The following STAMBPL1 variants were observed in gnomAD, a reference collection of about 807,000 sequenced individuals.
STAMBPL1 encodes the protein STAM binding protein like 1.
STAMBPL1 carries 44 observed loss-of-function variants against 52.9 expected under a neutral mutation model. That is an observed-to-expected ratio of 0.83 (90% CI 0.65 to 1.07). STAMBPL1 has a LOEUF of 1.07. Among genes scored for constraint, STAMBPL1 ranks in the 50% least tolerant of loss-of-function variants. The pLI is 0.00. For synonymous variants in STAMBPL1, 164 were observed against 177.3 expected (o/e 0.92, Z 0.60); for missense variants, 511 against 520.8 (o/e 0.98, Z 0.18).
chr10:88,882,288 C>T (rs1844425577), intron 1 of STAMBPL1, among the ~76,000 whole-genome samples: 1 of 152,166 alleles, frequency 6.6e-6, no homozygotes, highest in Non-Finnish European at 1.5e-5. Flanking sequence ...GAACCAGTTT[C>T]CTGAGGATGT....
chr10:88,922,789 A>G (rs746894588), intron 10 of STAMBPL1, among the ~76,000 whole-genome samples: 7 of 152,120 alleles, frequency 4.6e-5, no homozygotes, highest in Non-Finnish European at 5.9e-5. Flanking sequence ...TCTGCTTGAT[A>G]TGGCCAAATT....
intron 2 of STAMBPL1, among the ~76,000 whole-genome samples, chr10:88,903,594 T>C (rs1327556492): frequency 6.6e-6 from 1 of 152,254 alleles, no homozygotes; most frequent in African/African-American, 2.4e-5. Flanking sequence ...CTGATTTTCA[T>C]AGATTTTTTT....
Position 88,923,399 on chromosome 10 carries a change from C to G in STAMBPL1, c.*175C>G, listed in dbSNP as rs188575421. The stretch of plus-strand genomic sequence containing the variant: ...TTTAAAGTTTTCTTTTTGGGTTGCT[C>G]TGTGTCAAGAGAGGTTACATGGTGT... On this transcript the variant is annotated 3_prime_UTR_variant, in exon 11 of 11. Coordinates refer to ENST00000371926, the MANE Select transcript of STAMBPL1 (RefSeq NM_020799.4). 3.7e-6 allele frequency: 5 copies of G among 1,365,150 alleles called. No homozygotes were observed. The highest frequency in any genetic ancestry group is 1.9e-5 in the South Asian group (1 of 53,478). The allele number at this position is 1,365,150 out of a possible 1,614,324, so 84.6% of individuals were successfully genotyped here. A position where few individuals can be genotyped will look rare whatever the true frequency, so the allele number is the denominator to read the frequency against.
intron 8 of STAMBPL1, among the ~76,000 whole-genome samples, chr10:88,919,914 C>T (rs965587011): frequency 7.2e-5 from 11 of 151,974 alleles, no homozygotes; most frequent in African/African-American, 2.7e-4. Context: ...CAGCTCACTG[C>T]AGCCTCAACC....
chr10:88,886,442 A>ATTCTT lies in STAMBPL1; in HGVS notation c.-54+5807_-54+5811dup, dbSNP rs1589347645. On this transcript the variant is annotated intron_variant, in intron 1 of 10. Transcript: ENST00000371926. ...TATTATATTATTTGGCAAAAGTTCA[A>ATTCTT]TTCTTTTTAAAGAAACATTTTAAAT... Among the ~76,000 whole-genome samples the ATTCTT allele has an allele frequency of 3.3e-5, 5 of 152,334 alleles. No homozygotes were observed. In the East Asian group the frequency reaches 9.6e-4, roughly 29 times the overall value.
chr10:88,903,119 A>G (rs1432071165), intron 2 of STAMBPL1, among the ~76,000 whole-genome samples: 1 of 152,208 alleles, frequency 6.6e-6, no homozygotes, highest in African/African-American at 2.4e-5. Flanking sequence ...TCACTGTAAA[A>G]ATGAACACAA....
At chr10:88,913,934 CG>C (rs2133200105) in intron 6 of STAMBPL1, among the ~76,000 whole-genome samples, 1 of 152,220 alleles carries the variant, frequency 6.6e-6, no homozygotes, top group South Asian at 2.1e-4. Context: ...CCAAATGGAC[CG>C]TGTGTTTCCG....
chr10:88,907,018 C>A (rs1379006769), intron 3 of STAMBPL1, among the ~76,000 whole-genome samples: 2 of 151,868 alleles, frequency 1.3e-5, no homozygotes, highest in Non-Finnish European at 2.9e-5. Flanking sequence ...AACATCTCAC[C>A]CCCATCCTCA....
At chr10:88,883,080 A>G (rs564839326) in intron 1 of STAMBPL1, among the ~76,000 whole-genome samples, 5 of 136,196 alleles carry the variant, frequency 3.7e-5, no homozygotes, top group Admixed American at 1.7e-4. Flanking sequence ...TTATTGTTCA[A>G]TTCCCACCTA....
intron 1 of STAMBPL1, among the ~76,000 whole-genome samples, chr10:88,896,692 G>T (rs1844818445): frequency 6.6e-6 from 1 of 152,104 alleles, no homozygotes; most frequent in South Asian, 2.1e-4. Flanking sequence ...GGCACATTTG[G>T]GTGATGGTCT....
At chr10:88,895,374 G>C (rs1844786992) in intron 1 of STAMBPL1, among the ~76,000 whole-genome samples, 1 of 152,196 alleles carries the variant, frequency 6.6e-6, no homozygotes, top group Non-Finnish European at 1.5e-5. Context: ...TATCTCTAGT[G>C]GGACTGGGCC....
chr10:88,922,739 TATC>T (rs1381646257), intron 10 of STAMBPL1, among the ~76,000 whole-genome samples: 1 of 152,210 alleles, frequency 6.6e-6, no homozygotes, highest in African/African-American at 2.4e-5. Flanking sequence ...AGTAAACAAT[TATC>T]ATAGAAAATG....
intron 7 of STAMBPL1, 131 bp from the exon 8 acceptor site, chr10:88,916,549 G>A (rs561866250): frequency 4.8e-5 from 22 of 460,290 alleles, no homozygotes; most frequent in African/African-American, 4.7e-4. Flanking sequence ...GAGGGATGAT[G>A]TAAGTGGTCC....
chr10:88,914,266 A>C lies in STAMBPL1; in HGVS notation c.779-268A>C, dbSNP rs559832088. On this transcript the variant is annotated intron_variant, in intron 6 of 10. Coordinates refer to ENST00000371926, the MANE Select transcript of STAMBPL1 (RefSeq NM_020799.4). ...TTTGCTTCATGCCTAAAGATAACAT[A>C]ACATGTAAATAGTTAACCCAAGATA... Among the ~76,000 whole-genome samples, 12 of 152,326 alleles carry C rather than the reference A, an allele frequency of 7.9e-5. No individual in the cohort carries two copies. In the East Asian group the frequency reaches 2.3e-3, roughly 29 times the overall value.
At position 88,923,473 on chromosome 10, in the gene STAMBPL1, T is replaced by C. The variant is rs1845566335; in HGVS notation, c.*249T>C. 1.7e-6 allele frequency: 2 copies of C among 1,208,648 alleles called. No homozygotes were observed. The highest frequency in any genetic ancestry group is 4.2e-5 in the Admixed American group (1 of 23,574). 74.9% of individuals were successfully genotyped at this position (1,208,648 alleles called of 1,614,324 possible). A position where few individuals can be genotyped will look rare whatever the true frequency, so the allele number is the denominator to read the frequency against. ...CCAAATACTATGGCCAGATAATAAA[T>C]TGTGCTGCAAACAACATGTCTTGTA... On this transcript the variant is annotated 3_prime_UTR_variant, in exon 11 of 11. Coordinates refer to ENST00000371926, the MANE Select transcript of STAMBPL1 (RefSeq NM_020799.4).
chr10:88,921,371 T>C lies in STAMBPL1; in HGVS notation c.1130T>C (p.Ile377Thr). ...YQLMLPEAIA[I>T]VCSPKHKDTG... Reference sequence around the variant, plus strand: ...CTCATGTTGCCAGAGGCCATTGCCATTGTTTGCTCACCAAAGCATAAAGAG... The same window carrying C: ...CTCATGTTGCCAGAGGCCATTGCCACTGTTTGCTCACCAAAGCATAAAGAG... The change falls in exon 9 of 11, where the codon ATT becomes ACT. Residue 377 changes from isoleucine to threonine, a missense_variant. By Grantham distance (89) the Ile-to-Thr change is moderately conservative. Coordinates refer to ENST00000371926, the MANE Select transcript of STAMBPL1 (RefSeq NM_020799.4). 1 of 1,613,204 alleles carries C rather than the reference T, an allele frequency of 6.2e-7. No individual in the cohort carries two copies. Among genetic ancestry groups the C allele is most frequent in the East Asian group, 2.2e-5 (1 of 44,854 alleles).
chr10:88,902,144 G>T (rs1844957244), intron 2 of STAMBPL1, among the ~76,000 whole-genome samples: 1 of 152,112 alleles, frequency 6.6e-6, no homozygotes, highest in Admixed American at 6.6e-5. Flanking sequence ...TACTGCTTTG[G>T]ATCCTCGTGT....
Position 88,922,345 on chromosome 10 carries a change from T to C in STAMBPL1, c.1163T>C (p.Ile388Thr). ...VCSPKHKDTGIFRLTNAGMLE... is the reference protein window; with the variant it reads ...VCSPKHKDTGTFRLTNAGMLE... The stretch of plus-strand genomic sequence containing the variant: ...TTTGCTCTGAAATTTAGCACTGGCA[T>C]CTTCAGGCTCACCAATGCTGGCATG... The change falls in exon 10 of 11, where the codon ATC (isoleucine) becomes ACC (threonine). Residue 388 changes from isoleucine to threonine, a missense_variant. By Grantham distance (89) the Ile-to-Thr change is moderately conservative (BLOSUM62 -1). Around this residue, in one of 3 missense-constraint regions of STAMBPL1, gnomAD observed 137 missense variants for 139.9 expected, o/e 0.98. Coordinates refer to ENST00000371926, the MANE Select transcript of STAMBPL1 (RefSeq NM_020799.4). The C allele has an allele frequency of 6.2e-7, 1 of 1,613,406 alleles. No homozygotes were observed. Among genetic ancestry groups the C allele is most frequent in the Non-Finnish European group, 8.5e-7 (1 of 1,179,634 alleles).
intron 10 of STAMBPL1, 122 bp from the exon 11 acceptor site, chr10:88,923,046 A>G (rs1440361255): frequency 2.8e-6 from 2 of 703,974 alleles, no homozygotes; most frequent in Non-Finnish European, 4.7e-6. Context: ...CTGATTGGAA[A>G]TATTTTAAAA....
Sources: gnomAD v4.1 joint callset for allele counts (sites outside exome capture counted in the v4.1 genomes callset) on GRCh38, gnomAD v4.1.1 for gene constraint, gnomAD v4.1.1 regional missense constraint, MANE v1.5 for transcripts, NCBI Gene and HGNC (gene_info 2026-07-23, HGNC 2026-07-21) for gene names.